The following GPR107 variants were observed in gnomAD, a reference collection of about 807,000 sequenced individuals.
GPR107 encodes the protein G protein-coupled receptor 107, also known as protein GPR107.
In GPR107, 31 loss-of-function variants were observed where a neutral mutation model predicts 75.5. That is an observed-to-expected ratio of 0.41 (90% CI 0.31 to 0.55). The LOEUF (loss-of-function observed/expected upper bound fraction) is 0.55, where lower values mean the gene tolerates loss of function less well. GPR107 is among the 20% of genes least tolerant of loss of function. The probability of loss-of-function intolerance (pLI) is 0.26; values close to 1 mark genes in which losing one functional copy is unlikely to be tolerated. For synonymous variants in GPR107, 267 were observed against 251.3 expected (o/e 1.06, Z -0.59); for missense variants, 572 against 665.7 (o/e 0.86, Z 1.55).
At chr9:130,064,146 G>A (rs1254547158) in intron 1 of GPR107, among the ~76,000 whole-genome samples, 1 of 147,506 alleles carries the variant, frequency 6.8e-6, no homozygotes, top group African/African-American at 2.5e-5. Context: ...ATAAAAAGTA[G>A]GTGTCAAGAA....
chr9:130,101,643 A>G (rs1399800603), intron 12 of GPR107, among the ~76,000 whole-genome samples: 2 of 152,242 alleles, frequency 1.3e-5, no homozygotes, highest in East Asian at 3.8e-4. Context: ...ATGGTAGTAG[A>G]CGTGAGGGGC....
At position 130,139,509 on chromosome 9, in the gene GPR107, A is replaced by G. The variant is rs1832043451; in HGVS notation, c.*4388A>G. On this transcript the variant is annotated 3_prime_UTR_variant, in exon 18 of 18. Transcript: ENST00000347136. ...AATAGATAATGCTTTTAGATGGTTC[A>G]CTGCCAGGCCATGGGCCCCACACAT... 1 of 152,214 alleles carries G rather than the reference A, an allele frequency of 6.6e-6. No individual in the cohort carries two copies. Among genetic ancestry groups the G allele is most frequent in the Admixed American group, 6.5e-5 (1 of 15,284 alleles). The allele number at this position is 152,214 out of a possible 1,614,324, so 9.4% of individuals were successfully genotyped here.
intron 7 of GPR107, among the ~76,000 whole-genome samples, 161 bp downstream of exon 7, chr9:130,086,637 G>A (rs1830621838): frequency 6.6e-6 from 1 of 152,054 alleles, no homozygotes; most frequent in Non-Finnish European, 1.5e-5. Flanking sequence ...CCCACAAGGT[G>A]GATATTGTTA....
intron 1 of GPR107, among the ~76,000 whole-genome samples, chr9:130,062,948 T>G (rs1829968265): frequency 6.6e-6 from 1 of 152,166 alleles, no homozygotes; most frequent in Admixed American, 6.6e-5. Flanking sequence ...CAGGCTGGTC[T>G]TGAACTCCTG....
chr9:130,094,296 T>C lies in GPR107; in HGVS notation c.863+1915T>C, dbSNP rs59828034. On this transcript the variant is annotated intron_variant, in intron 9 of 17. Coordinates refer to ENST00000347136, the MANE Select transcript of GPR107 (RefSeq NM_020960.5). ...CATCTCTACTAAAAATACAAAAAAT[T>C]AGCTGGGCGTGGTGGCAGGTGCCTA... Among the ~76,000 whole-genome samples the C allele has an allele frequency of 2.6e-4, 40 of 152,224 alleles. No individual in the cohort carries two copies. In the South Asian group the frequency reaches 5.6e-3, roughly 21 times the overall value.
chr9:130,082,076 C>G (rs1830505001), intron 5 of GPR107, among the ~76,000 whole-genome samples: 1 of 152,086 alleles, frequency 6.6e-6, no homozygotes, highest in African/African-American at 2.4e-5. Flanking sequence ...GTGCCACACT[C>G]TTTTAAACAA....
rs200515818 is a variant in GPR107, at chr9:130,071,840, A to C, written c.142-3796A>C. ...CTGGGATTAACAGATGCCTGCCAGC[A>C]AGCCTGGCTTATTTTTGTACTTTTA... On this transcript the variant is annotated intron_variant, in intron 1 of 17. Coordinates refer to ENST00000347136, the MANE Select transcript of GPR107 (RefSeq NM_020960.5). Among the ~76,000 whole-genome samples the C allele has an allele frequency of 4.6e-5, 7 of 151,742 alleles. No individual in the cohort carries two copies. The East Asian group carries it at 1.4e-3, about 29-fold the overall frequency.
In GPR107 at chr9:130,078,946, C is replaced by G. The variant is rs188825356; in HGVS notation, c.387-684C>G. The stretch of plus-strand genomic sequence containing the variant: ...ACAGTGCCACTGCCCTCTCGTGCTT[C>G]CCTGGATTTCACTTGCTTTCTTTAT... On this transcript the variant is annotated intron_variant, in intron 4 of 17. Transcript: ENST00000347136. Among the ~76,000 whole-genome samples, 3 of 152,262 alleles carry G rather than the reference C, an allele frequency of 2.0e-5. No individual in the cohort carries two copies. The East Asian group carries it at 5.8e-4, about 29-fold the overall frequency.
chr9:130,122,210 C>T (rs1831564490), intron 14 of GPR107, among the ~76,000 whole-genome samples: 1 of 152,130 alleles, frequency 6.6e-6, no homozygotes, highest in Non-Finnish European at 1.5e-5. Context: ...ACTTTTAAAG[C>T]ATTTTTTATC....
Position 130,062,680 on chromosome 9 carries a change from T to G in GPR107, c.141+8607T>G, listed in dbSNP as rs540278945. Reference sequence around the variant, plus strand: ...TGCCTGCCTTCCTTCCTTCCTTCCTTCCTTCCTTCCTTCCTTCCTTCCGTT... The same window carrying G: ...TGCCTGCCTTCCTTCCTTCCTTCCTGCCTTCCTTCCTTCCTTCCTTCCGTT... On this transcript the variant is annotated intron_variant, in intron 1 of 17. Transcript: ENST00000347136. 1.1e-3 allele frequency among the ~76,000 whole-genome samples: 163 copies of G among 150,032 alleles called. 1 individual carries two copies. Among genetic ancestry groups the G allele is most frequent in the African/African-American group, 3.6e-3 (145 of 40,792 alleles).
Position 130,126,267 on chromosome 9 carries a change from A to AT in GPR107, c.1357-1213dup, listed in dbSNP as rs539818313. Among the ~76,000 whole-genome samples the AT allele has an allele frequency of 7.6e-3, 1,148 of 151,432 alleles. 15 individuals are homozygous for AT. The highest frequency in any genetic ancestry group is 0.026 in the African/African-American group (1,086 of 41,196). On this transcript the variant is annotated intron_variant, in intron 15 of 17. Coordinates refer to ENST00000347136, the MANE Select transcript of GPR107 (RefSeq NM_020960.5). The stretch of plus-strand genomic sequence containing the variant: ...CTTGCTAGAAATTATTAGGATCATA[A>AT]TTTCTTGGAATATATAAGGTATAGG...
intron 14 of GPR107, among the ~76,000 whole-genome samples, chr9:130,107,866 C>T (rs145679342): frequency 2.6e-5 from 4 of 152,166 alleles, no homozygotes; most frequent in African/African-American, 7.2e-5. Context: ...GATAACACTT[C>T]GCTGTGAGAA....
chr9:130,099,624 G>A, intron 10 of GPR107, 92 bp downstream of exon 10: 3 of 741,750 alleles, frequency 4.0e-6, no homozygotes, highest in South Asian at 1.5e-5. Flanking sequence ...GGATAGATTG[G>A]TGGGAAACAA....
intron 14 of GPR107, among the ~76,000 whole-genome samples, chr9:130,117,398 G>A (rs1831452587): frequency 6.6e-6 from 1 of 152,158 alleles, no homozygotes; most frequent in South Asian, 2.1e-4. Flanking sequence ...TCTTTTCTTA[G>A]TGGAGGCCAG....
intron 1 of GPR107, 113 bp from the exon 2 acceptor site, chr9:130,075,523 G>C: frequency 1.6e-6 from 1 of 616,884 alleles, no homozygotes. Context: ...TGGGATTACA[G>C]GCTTGAGCCA....
At chr9:130,081,411 C>T (rs765846423) in intron 5 of GPR107, among the ~76,000 whole-genome samples, 2 of 151,782 alleles carry the variant, frequency 1.3e-5, no homozygotes, top group Non-Finnish European at 1.5e-5. Flanking sequence ...TGGTGGCTCA[C>T]GCCTGTAATC....
intron 1 of GPR107, among the ~76,000 whole-genome samples, chr9:130,058,987 TTG>T (rs1441154087): frequency 6.6e-6 from 1 of 152,162 alleles, no homozygotes; most frequent in Non-Finnish European, 1.5e-5. Context: ...TTGCAAGGCT[TTG>T]TGGGGCCATA....
At chr9:130,066,149 T>A (rs10988584) in intron 1 of GPR107, among the ~76,000 whole-genome samples, 149,726 of 152,104 alleles carry the variant, frequency 0.98, 73,705 homozygotes, top group East Asian at 1. Context: ...AAAATACAAA[T>A]TTATCTGGGT....
intron 7 of GPR107, among the ~76,000 whole-genome samples, chr9:130,090,120 A>T (rs1382707961): frequency 2.6e-5 from 4 of 152,136 alleles, no homozygotes; most frequent in Non-Finnish European, 1.5e-5. Flanking sequence ...AGGTATATAT[A>T]TGTAGCCCTA....
Sources: gnomAD v4.1 joint callset for allele counts (sites outside exome capture counted in the v4.1 genomes callset) on GRCh38, gnomAD v4.1.1 for gene constraint, MANE v1.5 for transcripts, NCBI Gene and HGNC (gene_info 2026-07-23, HGNC 2026-07-21) for gene names.